The following TBL1XR1 variants were observed in gnomAD, a reference collection of about 807,000 sequenced individuals.
TBL1XR1 encodes the protein F-box-like/WD repeat-containing protein TBL1XR1.
In TBL1XR1, 5 loss-of-function variants were observed where a neutral mutation model predicts 66.9. The ratio of observed to expected loss-of-function variants is 0.07; its 90% CI spans 0.04 to 0.16. The LOEUF (loss-of-function observed/expected upper bound fraction) is 0.16. TBL1XR1 is among the 10% of genes least tolerant of loss of function. The pLI is 1.00. For missense variants in TBL1XR1, 238 were observed against 623.2 expected, an observed-to-expected ratio of 0.38 and a Z score of 6.58; for synonymous variants, 210 against 206.0, an observed-to-expected ratio of 1.02 and a Z score of -0.17.
At chr3:177,130,445 T>C (rs1462598568) in intron 1 of TBL1XR1, among the ~76,000 whole-genome samples, 3 of 152,020 alleles carry the variant, frequency 2.0e-5, no homozygotes, top group Non-Finnish European at 4.4e-5. Flanking sequence ...GGAAAGACAG[T>C]TAGGCAATAA....
At chr3:177,182,204 T>C (rs1430492626) in intron 1 of TBL1XR1, among the ~76,000 whole-genome samples, 2 of 151,780 alleles carry the variant, frequency 1.3e-5, no homozygotes, top group Non-Finnish European at 2.9e-5. Flanking sequence ...CTGGGCAACA[T>C]AGTGAGACCC....
At chr3:177,188,521 T>C (rs1339036236) in intron 1 of TBL1XR1, among the ~76,000 whole-genome samples, 2 of 152,034 alleles carry the variant, frequency 1.3e-5, no homozygotes, top group Non-Finnish European at 2.9e-5. Context: ...CACTCCAGCC[T>C]GGGCAACAAG....
intron 2 of TBL1XR1, among the ~76,000 whole-genome samples, chr3:177,073,649 T>C (rs541160341): frequency 6.6e-6 from 1 of 152,322 alleles, no homozygotes; most frequent in African/African-American, 2.4e-5. Context: ...GCCACTGTTC[T>C]AGGCCCTTAA....
intron 1 of TBL1XR1, among the ~76,000 whole-genome samples, chr3:177,191,293 G>T (rs755727679): frequency 6.6e-6 from 1 of 152,182 alleles, no homozygotes; most frequent in Non-Finnish European, 1.5e-5. Flanking sequence ...AGTAGTTACA[G>T]AAGATAAAAT....
chr3:177,133,670 G>A (rs1242675174), intron 1 of TBL1XR1, among the ~76,000 whole-genome samples: 1 of 152,016 alleles, frequency 6.6e-6, no homozygotes, highest in Non-Finnish European at 1.5e-5. Flanking sequence ...GAGAGGCGGA[G>A]GCAGATGGAT....
rs899547629 is a variant in TBL1XR1, at chr3:177,159,270, T to C, written c.-122+37851A>G. 2.0e-5 allele frequency among the ~76,000 whole-genome samples: 3 copies of C among 152,274 alleles called. No individual in the cohort carries two copies. In the East Asian group the frequency reaches 5.8e-4, roughly 29 times the overall value. On this transcript the variant is annotated intron_variant, in intron 1 of 15. Coordinates refer to ENST00000457928, the MANE Select transcript of TBL1XR1 (RefSeq NM_024665.7). ...TCCAATACTGAAAGAAGTAGCTACT[T>C]GAAATTATATCAATTCTCTAATGCT...
intron 1 of TBL1XR1, among the ~76,000 whole-genome samples, chr3:177,196,805 G>A (rs1736919203): frequency 6.6e-6 from 1 of 151,768 alleles, no homozygotes; most frequent in Non-Finnish European, 1.5e-5. Context: ...GGAGAAGGCC[G>A]AGGTGCACAT....
chr3:177,100,012 C>T (rs1047581968), intron 1 of TBL1XR1, among the ~76,000 whole-genome samples: 5 of 152,180 alleles, frequency 3.3e-5, no homozygotes, highest in Non-Finnish European at 1.5e-5. Context: ...GAAGCCGAGG[C>T]GGGCCGCTTG....
At chr3:177,092,125 T>A (rs1275043413) in intron 2 of TBL1XR1, among the ~76,000 whole-genome samples, 1 of 152,192 alleles carries the variant, frequency 6.6e-6, no homozygotes, top group Non-Finnish European at 1.5e-5. Context: ...TGTGAAAATG[T>A]GAAATCCAAA....
At chr3:177,123,164 C>A (rs762752372) in intron 1 of TBL1XR1, among the ~76,000 whole-genome samples, 7 of 152,006 alleles carry the variant, frequency 4.6e-5, no homozygotes, top group Non-Finnish European at 1.0e-4. Context: ...AAAAGAAAAT[C>A]TTGATTAGTA....
intron 10 of TBL1XR1, 86 bp downstream of exon 10, chr3:177,046,043 A>C: frequency 9.4e-7 from 1 of 1,064,512 alleles, no homozygotes; most frequent in Non-Finnish European, 1.4e-6. Flanking sequence ...ATATTTCAAC[A>C]TTTAAAATAA....
chr3:177,158,113 T>C (rs1023545777), intron 1 of TBL1XR1, among the ~76,000 whole-genome samples: 1 of 151,166 alleles, frequency 6.6e-6, no homozygotes, highest in African/African-American at 2.4e-5. Context: ...ACAATCTACA[T>C]GAAGAACTGG....
At chr3:177,130,487 TGGGAAA>T (rs1295558217) in intron 1 of TBL1XR1, among the ~76,000 whole-genome samples, 1 of 152,198 alleles carries the variant, frequency 6.6e-6, no homozygotes, top group East Asian at 1.9e-4. Context: ...ACAACGTTTT[TGGGAAA>T]TACATTGGGA....
At chr3:177,105,249 T>C (rs138327427) in intron 1 of TBL1XR1, among the ~76,000 whole-genome samples, 214 of 152,358 alleles carry the variant, frequency 1.4e-3, no homozygotes, top group African/African-American at 4.9e-3. Flanking sequence ...TACAGTGCCT[T>C]TGAAATACGA....
chr3:177,119,270 G>A (rs1297707022), intron 1 of TBL1XR1, among the ~76,000 whole-genome samples: 2 of 152,156 alleles, frequency 1.3e-5, no homozygotes, highest in Non-Finnish European at 2.9e-5. Flanking sequence ...ACCGCACCTG[G>A]CTGATAATCA....
chr3:177,170,307 T>C (rs769051108), intron 1 of TBL1XR1, among the ~76,000 whole-genome samples: 2 of 152,094 alleles, frequency 1.3e-5, no homozygotes, highest in Non-Finnish European at 2.9e-5. Context: ...ACAAAAACAC[T>C]TACCTGTAGA....
At chr3:177,189,990 G>A (rs1244027388) in intron 1 of TBL1XR1, among the ~76,000 whole-genome samples, 1 of 151,630 alleles carries the variant, frequency 6.6e-6, no homozygotes, top group Non-Finnish European at 1.5e-5. Context: ...AGTTCTAGCT[G>A]GGCGTGTAAG....
chr3:177,046,292 T>A, intron 9 of TBL1XR1, 103 bp from the exon 10 acceptor site: 1 of 824,286 alleles, frequency 1.2e-6, no homozygotes. Flanking sequence ...AATGTCAGAG[T>A]GGATTTAATT....
In TBL1XR1 at chr3:177,024,706, C is replaced by CAAAAAAAAAAAAAAAA. The variant is rs1258577255; in HGVS notation, c.*791_*792insTTTTTTTTTTTTTTTT. The CAAAAAAAAAAAAAAAA allele has an allele frequency of 2.4e-5, 1 of 40,818 alleles. No homozygotes were observed. The allele number at this position is 40,818 out of a possible 1,614,324, so 2.5% of individuals were successfully genotyped here. On this transcript the variant is annotated 3_prime_UTR_variant, in exon 16 of 16. Transcript: ENST00000457928. ...GCATTTAAGCCACATCACCAAAAAA[C>CAAAAAAAAAAAAAAAA]AAAAAAGAAAAAAAAAAAAAAAAAG...
Sources: allele counts gnomAD v4.1 joint callset (sites outside exome capture counted in the v4.1 genomes callset), GRCh38; gene constraint gnomAD v4.1.1; transcripts MANE v1.5; gene names NCBI Gene and HGNC (gene_info 2026-07-23, HGNC 2026-07-21).